DGKI: variants seen among roughly 807,000 people sequenced by gnomAD.
DGKI encodes the protein diacylglycerol kinase iota, also known as DAG kinase iota.
DGKI carries 55 observed loss-of-function variants against 147.5 expected under a neutral mutation model. The observed-to-expected ratio is 0.37, with a 90% CI of 0.30 to 0.47. The LOEUF is 0.47. Ranked by LOEUF, DGKI falls within the 20% of genes least tolerant of loss-of-function variation. The pLI is 1.00. For missense variants in DGKI, 1,007 were observed against 1,323.8 expected, an observed-to-expected ratio of 0.76 and a Z score of 3.71; for synonymous variants, 469 against 477.1, an observed-to-expected ratio of 0.98 and a Z score of 0.22.
chr7:137,782,064 A>G (rs553757123), intron 1 of DGKI, among the ~76,000 whole-genome samples: 1 of 152,366 alleles, frequency 6.6e-6, no homozygotes, highest in South Asian at 2.1e-4. Context: ...TACTGTAGGA[A>G]CATACCAGAA....
Position 137,426,423 on chromosome 7 carries a change from C to T in DGKI, c.2762-14216G>A, listed in dbSNP as rs1310112455. On this transcript the variant is annotated intron_variant, in intron 28 of 32. Coordinates refer to ENST00000614521, the MANE Select transcript of DGKI (RefSeq NM_001321708.2). ...AGCACTAAACATAGAAAGGAACAAC[C>T]GGTACCAGCCACTACAAAATCATGC... 7.2e-5 allele frequency among the ~76,000 whole-genome samples: 11 copies of T among 152,132 alleles called. No homozygotes were observed. In the South Asian group the frequency reaches 8.3e-4, roughly 11 times the overall value.
chr7:137,478,382 T>G (rs1417467757), intron 23 of DGKI, among the ~76,000 whole-genome samples: 1 of 152,168 alleles, frequency 6.6e-6, no homozygotes, highest in Non-Finnish European at 1.5e-5. Flanking sequence ...GTACGCAGGG[T>G]ACAAATAATT....
intron 1 of DGKI, among the ~76,000 whole-genome samples, chr7:137,832,721 G>T (rs1414197573): frequency 6.6e-6 from 1 of 152,160 alleles, no homozygotes; most frequent in Non-Finnish European, 1.5e-5. Context: ...GCAAATTTCT[G>T]CAGCCAGCTT....
intron 15 of DGKI, among the ~76,000 whole-genome samples, chr7:137,581,221 C>T (rs1163304117): frequency 6.6e-6 from 1 of 152,082 alleles, no homozygotes; most frequent in Non-Finnish European, 1.5e-5. Flanking sequence ...TTGACTCCAT[C>T]TCTTTTAGTA....
intron 6 of DGKI, among the ~76,000 whole-genome samples, chr7:137,638,428 CTA>C (rs141779868): frequency 2.3e-4 from 23 of 98,362 alleles, no homozygotes; most frequent in Admixed American, 3.3e-4. Context: ...GCAAGAACAA[CTA>C]TATATATATA....
intron 28 of DGKI, among the ~76,000 whole-genome samples, chr7:137,429,687 G>A (rs1033832634): frequency 6.7e-6 from 1 of 149,996 alleles, no homozygotes; most frequent in Admixed American, 6.7e-5. Flanking sequence ...AATCTACAAT[G>A]AACTCAAACA....
At chr7:137,589,007 A>G (rs1300542920) in intron 12 of DGKI, among the ~76,000 whole-genome samples, 1 of 152,152 alleles carries the variant, frequency 6.6e-6, no homozygotes, top group African/African-American at 2.4e-5. Context: ...CCAACCCCTT[A>G]ACTGCTAAGG....
At chr7:137,401,420 A>G (rs1037593353) in intron 30 of DGKI, among the ~76,000 whole-genome samples, 1 of 151,988 alleles carries the variant, frequency 6.6e-6, no homozygotes, top group Non-Finnish European at 1.5e-5. Flanking sequence ...AGTCCCAGCT[A>G]CTAGGGAGGC....
chr7:137,827,061 G>A (rs1358472191), intron 1 of DGKI, among the ~76,000 whole-genome samples: 2 of 152,180 alleles, frequency 1.3e-5, no homozygotes, highest in Non-Finnish European at 2.9e-5. Context: ...ACAGAACAGG[G>A]GTCCCCCTTC....
intron 1 of DGKI, among the ~76,000 whole-genome samples, chr7:137,817,409 T>C (rs73729047): frequency 0.027 from 4,044 of 152,318 alleles, 180 homozygotes; most frequent in African/African-American, 0.09. Flanking sequence ...CCACAAGATA[T>C]ATATACCTAT....
chr7:137,644,014 GCA>G (rs141582944), intron 6 of DGKI, among the ~76,000 whole-genome samples: 1 of 151,324 alleles, frequency 6.6e-6, no homozygotes. Flanking sequence ...TCACATGCAT[GCA>G]CACACACACA....
intron 6 of DGKI, among the ~76,000 whole-genome samples, chr7:137,638,567 C>CATATATATGTATATATACACATATAT (rs373273871): frequency 9.1e-5 from 3 of 33,118 alleles, no homozygotes. Context: ...TATATATACA[C>CATATATATGTATATATACACATATAT]ACATATATGT....
chr7:137,658,180 AAAG>A (rs1437142988), intron 3 of DGKI, among the ~76,000 whole-genome samples: 8 of 152,314 alleles, frequency 5.3e-5, no homozygotes, highest in Admixed American at 2.0e-4. Flanking sequence ...AAGAAGAGAA[AAAG>A]AAGGAGGGGG....
intron 32 of DGKI, among the ~76,000 whole-genome samples, chr7:137,392,992 A>G (rs1329188070): frequency 6.6e-6 from 1 of 152,220 alleles, no homozygotes; most frequent in East Asian, 1.9e-4. Context: ...CCTCTAGAAT[A>G]TAACGTTGAG....
chr7:137,466,867 T>A, intron 25 of DGKI, 35 bp downstream of exon 25: 1 of 1,611,094 alleles, frequency 6.2e-7, no homozygotes, highest in Non-Finnish European at 8.5e-7. Flanking sequence ...CTTGGGAATT[T>A]TTCACTTTCA....
intron 1 of DGKI, among the ~76,000 whole-genome samples, chr7:137,789,305 T>A (rs1024902731): frequency 2.0e-5 from 3 of 151,800 alleles, no homozygotes; most frequent in African/African-American, 4.8e-5. Flanking sequence ...AGAGGTTTTT[T>A]TAAAAAAAAT....
intron 1 of DGKI, among the ~76,000 whole-genome samples, chr7:137,698,527 C>A (rs1823871016): frequency 6.6e-6 from 1 of 151,998 alleles, no homozygotes; most frequent in African/African-American, 2.4e-5. Context: ...GTACAGGCAG[C>A]CCCTGGGGAG....
intron 7 of DGKI, 72 bp from the exon 8 acceptor site, chr7:137,620,012 T>TACACAC (rs1402816608): frequency 9.8e-6 from 7 of 714,950 alleles, no homozygotes; most frequent in South Asian, 6.3e-5. Flanking sequence ...GATAAATATG[T>TACACAC]ACACACGCAC....
At chr7:137,833,611 G>A (rs537455116) in intron 1 of DGKI, among the ~76,000 whole-genome samples, 1 of 152,298 alleles carries the variant, frequency 6.6e-6, no homozygotes, top group East Asian at 1.9e-4. Flanking sequence ...ATAAAGACAG[G>A]AACCAGAGCA....
Sources: gnomAD v4.1 joint callset for allele counts (sites outside exome capture counted in the v4.1 genomes callset) on GRCh38, gnomAD v4.1.1 for gene constraint, MANE v1.5 for transcripts, NCBI Gene and HGNC (gene_info 2026-07-23, HGNC 2026-07-21) for gene names.